The following TNNI3K variants were observed in gnomAD, a reference collection of about 807,000 sequenced individuals.
The protein encoded by TNNI3K is serine/threonine-protein kinase TNNI3K.
In TNNI3K, 140 loss-of-function variants were observed where a neutral mutation model predicts 114.5. That is an observed-to-expected ratio of 1.22 (90% CI 1.07 to 1.41). The LOEUF is 1.41. TNNI3K is among the 40% of genes most tolerant of loss of function. The pLI is 0.00. For synonymous variants in TNNI3K, 347 were observed against 347.5 expected (o/e 1.00, Z 0.02); for missense variants, 1,125 against 1,007.6 (o/e 1.12, Z -1.58).
intron 17 of TNNI3K, among the ~76,000 whole-genome samples, chr1:74,404,588 G>GT (rs1424834086): frequency 6.6e-6 from 1 of 152,158 alleles, no homozygotes; most frequent in Non-Finnish European, 1.5e-5. Context: ...GATTCAGTAC[G>GT]TATTAGTTGG....
intron 20 of TNNI3K, among the ~76,000 whole-genome samples, chr1:74,451,695 C>CTTTTCT (rs34653118): frequency 2.8e-3 from 76 of 27,156 alleles, no homozygotes; most frequent in African/African-American, 6.3e-3. Context: ...TTCTTTCTTT[C>CTTTTCT]TTTCTTTCTT....
At chr1:74,535,462 C>T (rs113480189) in intron 23 of TNNI3K, among the ~76,000 whole-genome samples, 2 of 152,078 alleles carry the variant, frequency 1.3e-5, no homozygotes, top group African/African-American at 2.4e-5. Context: ...TGAGAGGGAC[C>T]GTGTCTCAAA....
chr1:74,303,468 A>G (rs1658450318), intron 5 of TNNI3K, among the ~76,000 whole-genome samples: 1 of 152,102 alleles, frequency 6.6e-6, no homozygotes, highest in Admixed American at 6.6e-5. Context: ...CTCAGCCGGT[A>G]TACTGAATAT....
rs1261212852 is a variant in TNNI3K, at chr1:74,369,513, C to T, written c.1595C>T (p.Pro532Leu). ...IQFVGACLNDPSQFAIVTQYI... is the reference protein window; with the variant it reads ...IQFVGACLNDLSQFAIVTQYI... The stretch of plus-strand genomic sequence containing the variant: ...TTTGTGGGTGCTTGCTTGAATGATC[C>T]CAGCCAGTTTGCCATTGTCACTCAA... Residue 532 changes from proline to leucine, a missense_variant, in exon 16 of 25, where the codon CCC becomes CTC. Transcript: ENST00000326637. 2.7e-5 allele frequency: 43 copies of T among 1,612,606 alleles called. No homozygotes were observed. The highest frequency in any genetic ancestry group is 3.5e-5 in the Non-Finnish European group (41 of 1,179,170).
In TNNI3K at chr1:74,517,100, G is replaced by T. The variant is rs116840181; in HGVS notation, c.2352-23134G>T. ...TCAGCTTTTCCCCCACCCCTATTTTGGTAGATGCTGTTCATTATTATGTAT... is the reference window on the plus strand; with the variant it reads ...TCAGCTTTTCCCCCACCCCTATTTTTGTAGATGCTGTTCATTATTATGTAT... On this transcript the variant is annotated intron_variant, in intron 23 of 24. Coordinates refer to ENST00000326637, the MANE Select transcript of TNNI3K (RefSeq NM_015978.3). Among the ~76,000 whole-genome samples, 1,066 of 152,120 alleles carry T rather than the reference G, an allele frequency of 7.0e-3. 10 individuals carry two copies. Among genetic ancestry groups the T allele is most frequent in the African/African-American group, 0.023 (946 of 41,488 alleles).
chr1:74,504,547 A>G (rs576636455), intron 23 of TNNI3K, among the ~76,000 whole-genome samples: 1 of 152,326 alleles, frequency 6.6e-6, no homozygotes, highest in East Asian at 1.9e-4. Flanking sequence ...ATCAAACAAA[A>G]TATTCTGTTC....
intron 23 of TNNI3K, among the ~76,000 whole-genome samples, chr1:74,523,293 C>T (rs1339485741): frequency 6.6e-6 from 1 of 152,162 alleles, no homozygotes; most frequent in Non-Finnish European, 1.5e-5. Flanking sequence ...CACTTGATAC[C>T]TCATAGTGGA....
At position 74,371,443 on chromosome 1, in the gene TNNI3K, T is replaced by C. The variant is rs147262867; in HGVS notation, c.1772+1051T>C. ...TATATACAAGATTTAGTACAAAAAT[T>C]TCAGGAACAAGAATATTAATTGCTT... On this transcript the variant is annotated intron_variant, in intron 17 of 24. Coordinates refer to ENST00000326637, the MANE Select transcript of TNNI3K (RefSeq NM_015978.3). 2.6e-5 allele frequency: 4 copies of C among 151,770 alleles called. No individual in the cohort carries two copies. The Admixed American group carries it at 2.6e-4, about 10-fold the overall frequency. 9.4% of individuals were successfully genotyped at this position (151,770 alleles called of 1,614,324 possible).
intron 23 of TNNI3K, among the ~76,000 whole-genome samples, chr1:74,520,616 A>G (rs1237671344): frequency 6.8e-6 from 1 of 147,528 alleles, no homozygotes; most frequent in Non-Finnish European, 1.5e-5. Context: ...CACAACTTCA[A>G]AAAAAAAATG....
chr1:74,322,621 C>T (rs1169790948), intron 5 of TNNI3K, among the ~76,000 whole-genome samples: 1 of 151,940 alleles, frequency 6.6e-6, no homozygotes, highest in Non-Finnish European at 1.5e-5. Context: ...TCGCCACGCC[C>T]AGCTAATTTT....
At chr1:74,360,990 A>C (rs1196315929) in intron 11 of TNNI3K, among the ~76,000 whole-genome samples, 7 of 152,098 alleles carry the variant, frequency 4.6e-5, no homozygotes, top group Admixed American at 3.9e-4. Flanking sequence ...GAGAGACAGG[A>C]AGAAAATATT....
At chr1:74,382,371 TAGAGAAAGATTCTGCA>T (rs1351091263) in intron 17 of TNNI3K, among the ~76,000 whole-genome samples, 4 of 152,212 alleles carry the variant, frequency 2.6e-5, no homozygotes, top group African/African-American at 4.8e-5. Flanking sequence ...TGGAGGATTT[TAGAGAAAGATTCTGCA>T]AGAGATATTT....
chr1:74,370,632 T>C (rs868723881), intron 17 of TNNI3K: 4 of 309,092 alleles, frequency 1.3e-5, no homozygotes, highest in Non-Finnish European at 1.8e-5. Flanking sequence ...AATATAGTAA[T>C]ATCTGTAAGA....
intron 17 of TNNI3K, among the ~76,000 whole-genome samples, chr1:74,391,507 G>A (rs556793124): frequency 6.6e-6 from 1 of 152,282 alleles, no homozygotes; most frequent in Non-Finnish European, 1.5e-5. Flanking sequence ...TGAGACGTTA[G>A]TTGGGAAGTA....
chr1:74,393,314 GAAAC>G (rs1394481774), intron 17 of TNNI3K, among the ~76,000 whole-genome samples: 1 of 151,834 alleles, frequency 6.6e-6, no homozygotes, highest in Non-Finnish European at 1.5e-5. Flanking sequence ...GAAAACTTAA[GAAAC>G]AAATTATTCT....
chr1:74,445,718 C>A (rs1210795704), intron 20 of TNNI3K, among the ~76,000 whole-genome samples: 1 of 148,728 alleles, frequency 6.7e-6, no homozygotes, highest in East Asian at 2.0e-4. Context: ...TCATGCCATT[C>A]TCCTGCCTCA....
chr1:74,343,034 A>C (rs1660827713), intron 8 of TNNI3K, 41 bp from the exon 9 acceptor site: 1 of 1,613,302 alleles, frequency 6.2e-7, no homozygotes, highest in African/African-American at 1.3e-5. Flanking sequence ...TACTGCATGT[A>C]CTTGCTTACA....
intron 23 of TNNI3K, among the ~76,000 whole-genome samples, chr1:74,503,496 A>G (rs1669738715): frequency 6.6e-6 from 1 of 152,202 alleles, no homozygotes; most frequent in Non-Finnish European, 1.5e-5. Flanking sequence ...TTTCTTACTC[A>G]GTGACACTGT....
At chr1:74,485,304 T>G (rs887630193) in intron 21 of TNNI3K, among the ~76,000 whole-genome samples, 8 of 152,172 alleles carry the variant, frequency 5.3e-5, no homozygotes, top group African/African-American at 1.9e-4. Context: ...GAGAAAACAG[T>G]AAGAACAATG....
Sources: gnomAD v4.1 joint callset for allele counts (sites outside exome capture counted in the v4.1 genomes callset) on GRCh38, gnomAD v4.1.1 for gene constraint, MANE v1.5 for transcripts, NCBI Gene and HGNC (gene_info 2026-07-23, HGNC 2026-07-21) for gene names.